Variants in RAB3D observed in about 807,000 individuals in gnomAD.
The protein encoded by RAB3D is RAB3D, member RAS oncogene family, also known as ras-related protein Rab-3D.
Under a neutral mutation model 19.3 loss-of-function variants are expected in RAB3D, and 17 were observed. That is an observed-to-expected ratio of 0.88 (90% CI 0.60 to 1.32). The LOEUF (loss-of-function observed/expected upper bound fraction) is 1.32, where lower values mean the gene tolerates loss of function less well. Ranked by LOEUF, RAB3D falls within the 40% of genes most tolerant of loss-of-function variation. The probability of loss-of-function intolerance (pLI) is 0.00; values close to 1 mark genes in which losing one functional copy is unlikely to be tolerated. For synonymous variants in RAB3D, 103 were observed against 119.9 expected, an observed-to-expected ratio of 0.86 and a Z score of 0.92; for missense variants, 223 against 299.1, an observed-to-expected ratio of 0.75 and a Z score of 1.88.
chr19:11,337,483 G>C, intron 1 of RAB3D, 23 bp from the exon 2 acceptor site: 1 of 1,094,384 alleles, frequency 9.1e-7, no homozygotes, highest in Non-Finnish European at 1.4e-6. Flanking sequence ...CAAACATCAA[G>C]AACAGCTCCT....
Position 11,337,325 on chromosome 19 carries a change from C to G in RAB3D, c.75G>C (p.Leu25=), listed in dbSNP as rs750814529. 69 of 1,614,056 alleles carry G rather than the reference C, an allele frequency of 4.3e-5. No homozygotes were observed. The highest frequency in any genetic ancestry group is 5.5e-5 in the Non-Finnish European group (65 of 1,180,044). ...CCACACTGCTGTTGCCTATCAGTAG[C>G]AGTTTGAACATATAGTCGAAGTTCT... is the stretch of plus-strand genomic sequence containing the variant. ...ADQNFDYMFK[L]LLIGNSSVGK... is the part of the protein sequence containing the mutation. The change falls in exon 2 of 5, where the codon CTG becomes CTC. Residue 25 remains leucine (L), a synonymous_variant. Transcript: ENST00000222120.
At position 11,323,402 on chromosome 19, in the gene RAB3D, C is replaced by A. The variant is rs2080792727; in HGVS notation, c.*1996G>T. ...TGAAGTCAGTTTGAGACAAGCCTCACCAACATGGTGAAACCCCTTCTCTAC... is the reference window on the plus strand; with the variant it reads ...TGAAGTCAGTTTGAGACAAGCCTCAACAACATGGTGAAACCCCTTCTCTAC... On this transcript the variant is annotated 3_prime_UTR_variant, in exon 5 of 5. Coordinates refer to ENST00000222120, the MANE Select transcript of RAB3D (RefSeq NM_004283.4). 1 of 152,086 alleles carries A rather than the reference C, an allele frequency of 6.6e-6. No individual in the cohort carries two copies. The highest frequency in any genetic ancestry group is 1.5e-5 in the Non-Finnish European group (1 of 68,032). The allele number at this position is 152,086 out of a possible 1,614,324, so 9.4% of individuals were successfully genotyped here.
intron 4 of RAB3D, among the ~76,000 whole-genome samples, chr19:11,328,934 T>A (rs1189343823): frequency 7.3e-6 from 1 of 136,358 alleles, no homozygotes; most frequent in Non-Finnish European, 1.5e-5. Context: ...TTATTCATCT[T>A]TTTTTTTTTT....
rs759551554 is a variant in RAB3D, at chr19:11,335,776, G to A, written c.236C>T (p.Ala79Val). ...KRIKLQIWDTAGQERYRTITT... is the reference protein window; with the variant it reads ...KRIKLQIWDTVGQERYRTITT... ...GATGGTGCGGTAGCGCTCCTGGCCC[G>A]CTGTGTCCTGGACAAATGGCAGTGG... Residue 79 changes from alanine (A) to valine (V), a missense_variant, in exon 3 of 5, where the codon GCG becomes GTG. Transcript: ENST00000222120. The A allele has an allele frequency of 1.2e-5, 20 of 1,613,890 alleles. No homozygotes were observed. Among genetic ancestry groups the A allele is most frequent in the South Asian group, 2.2e-5 (2 of 91,088 alleles).
chr19:11,335,897 C>T (rs2080851512), intron 2 of RAB3D, 114 bp from the exon 3 acceptor site: 1 of 944,798 alleles, frequency 1.1e-6, no homozygotes, highest in Non-Finnish European at 1.7e-6. Context: ...GAGACACAGA[C>T]TTGCTTGTAC....
chr19:11,334,337 C>A (rs901147302), intron 4 of RAB3D, among the ~76,000 whole-genome samples: 1 of 152,044 alleles, frequency 6.6e-6, no homozygotes, highest in Non-Finnish European at 1.5e-5. Context: ...AGGCATGCTG[C>A]GCACACCTGT....
intron 4 of RAB3D, chr19:11,326,887 A>G (rs1323858457): frequency 7.0e-6 from 4 of 570,332 alleles, no homozygotes; most frequent in South Asian, 2.1e-5. Flanking sequence ...TGGGTTTACC[A>G]GCGTGAGCCA....
chr19:11,332,312 G>A lies in RAB3D; in HGVS notation c.472+3135C>T, dbSNP rs545168109. On this transcript the variant is annotated intron_variant, in intron 4 of 4. Transcript: ENST00000222120. Reference sequence around the variant, plus strand: ...CTCCCAAAGTGCTGGGATTACAGGCGTGAGCCACCACGCCTGGCCGAACAT... The same window carrying A: ...CTCCCAAAGTGCTGGGATTACAGGCATGAGCCACCACGCCTGGCCGAACAT... 4.0e-4 allele frequency among the ~76,000 whole-genome samples: 61 copies of A among 152,316 alleles called. 1 individual carries two copies. In the South Asian group the frequency reaches 0.01, roughly 26 times the overall value.
At chr19:11,337,878 G>A (rs1477071573) in intron 1 of RAB3D, among the ~76,000 whole-genome samples, 1 of 151,996 alleles carries the variant, frequency 6.6e-6, no homozygotes, top group African/African-American at 2.4e-5. Context: ...TCATTATGTT[G>A]CCCATGCTGG....
chr19:11,334,009 T>C (rs1315113288), intron 4 of RAB3D, among the ~76,000 whole-genome samples: 3 of 152,148 alleles, frequency 2.0e-5, no homozygotes, highest in African/African-American at 7.2e-5. Context: ...AATAAAGTTT[T>C]ATTGGCAAAC....
At chr19:11,335,967 G>T (rs1568301799) in intron 2 of RAB3D, among the ~76,000 whole-genome samples, 184 bp from the exon 3 acceptor site, 1 of 152,200 alleles carries the variant, frequency 6.6e-6, no homozygotes, top group African/African-American at 2.4e-5. Flanking sequence ...TCTGATGGGG[G>T]AGGCATGGAT....
In RAB3D at chr19:11,324,044, TCA is replaced by T. The variant is rs1232303424; in HGVS notation, c.*1352_*1353del. Reference sequence around the variant, plus strand: ...AGCTTCAGAGACTCCCCGGCACTGATCACAGTCCATCCCCCCCATTCACATAA... The same window carrying T: ...AGCTTCAGAGACTCCCCGGCACTGATCAGTCCATCCCCCCCATTCACATAA... On this transcript the variant is annotated 3_prime_UTR_variant, in exon 5 of 5. Transcript: ENST00000222120. 2.6e-5 allele frequency: 4 copies of T among 152,004 alleles called. No homozygotes were observed. The highest frequency in any genetic ancestry group is 5.9e-5 in the Non-Finnish European group (4 of 68,092). The allele number at this position is 152,004 out of a possible 1,614,324, so 9.4% of individuals were successfully genotyped here. A position where few individuals can be genotyped will look rare whatever the true frequency, so the allele number is the denominator to read the frequency against.
intron 4 of RAB3D, among the ~76,000 whole-genome samples, chr19:11,329,734 C>T (rs962548982): frequency 2.6e-5 from 4 of 151,952 alleles, no homozygotes; most frequent in South Asian, 2.1e-4. Flanking sequence ...CAGGCTGGAA[C>T]GCAATGGCGC....
intron 4 of RAB3D, among the ~76,000 whole-genome samples, chr19:11,333,960 T>C (rs1223601611): frequency 6.6e-6 from 1 of 151,560 alleles, no homozygotes; most frequent in Non-Finnish European, 1.5e-5. Flanking sequence ...CCTCCCAAAG[T>C]GCTGGGATTT....
At chr19:11,330,319 C>T (rs898134654) in intron 4 of RAB3D, among the ~76,000 whole-genome samples, 3 of 152,226 alleles carry the variant, frequency 2.0e-5, no homozygotes, top group African/African-American at 4.8e-5. Flanking sequence ...CTCAATTTCA[C>T]GCTTGAAGCA....
At chr19:11,337,037 T>G (rs921521790) in intron 2 of RAB3D, 135 bp downstream of exon 2, 2 of 705,166 alleles carry the variant, frequency 2.8e-6, no homozygotes, top group Admixed American at 4.8e-5. Context: ...GAGGTTGCAG[T>G]GAGCCGAGAT....
At chr19:11,332,798 A>ATATATAACCATATATTTTAT in intron 4 of RAB3D, among the ~76,000 whole-genome samples, 1 of 152,186 alleles carries the variant, frequency 6.6e-6, no homozygotes, top group Non-Finnish European at 1.5e-5. Context: ...TTTTTTTAAA[A>ATATATAACCATATATTTTAT]AAGTGTAGGC....
intron 4 of RAB3D, among the ~76,000 whole-genome samples, chr19:11,333,330 T>C (rs1238813687): frequency 6.6e-6 from 1 of 152,122 alleles, no homozygotes; most frequent in Non-Finnish European, 1.5e-5. Context: ...TCCGCCCTCT[T>C]CGGCCTCCCA....
rs1180398749 is a variant in RAB3D, at chr19:11,339,336, T to G, written c.-62+133A>C. 6.6e-5 allele frequency: 10 copies of G among 152,416 alleles called. No homozygotes were observed. The East Asian group carries it at 1.9e-3, about 29-fold the overall frequency. 9.4% of individuals were successfully genotyped at this position (152,416 alleles called of 1,614,324 possible). A position where few individuals can be genotyped will look rare whatever the true frequency, so the allele number is the denominator to read the frequency against. On this transcript the variant is annotated intron_variant, in intron 1 of 4. Coordinates refer to ENST00000222120, the MANE Select transcript of RAB3D (RefSeq NM_004283.4). ...AACGCCTGTCCCCAGCTGGGCTCTC[T>G]GCCCCGCCCGCGCCCCATCAGCGCT...
Sources: allele counts gnomAD v4.1 joint callset (sites outside exome capture counted in the v4.1 genomes callset), GRCh38; gene constraint gnomAD v4.1.1; transcripts MANE v1.5; gene names NCBI Gene and HGNC (gene_info 2026-07-23, HGNC 2026-07-21).